ZNF782: variants seen among roughly 807,000 people sequenced by gnomAD.
ZNF782 encodes the protein zinc finger protein 782.
In ZNF782, 12 loss-of-function variants were observed where a neutral mutation model predicts 13.0. That is an observed-to-expected ratio of 0.92 (90% CI 0.59 to 1.50). ZNF782 has a LOEUF of 1.50. ZNF782 is among the 40% of genes most tolerant of loss of function. The pLI, the probability that ZNF782 is intolerant of heterozygous loss-of-function variation, is 0.00. For synonymous variants in ZNF782, 284 were observed against 283.0 expected, an observed-to-expected ratio of 1.00 and a Z score of -0.04; for missense variants, 770 against 822.9, an observed-to-expected ratio of 0.94 and a Z score of 0.79.
At chr9:96,877,881 C>T (rs1203107413), upstream of ZNF782, among the ~76,000 whole-genome samples, 1 of 152,088 alleles carries the variant, frequency 6.6e-6, no homozygotes, top group African/African-American at 2.4e-5. Context: ...ACTCAAATAC[C>T]CTGCTTCTGT....
the ZNF782 span, chr9:96,931,715 T>C: frequency 6.2e-7 from 1 of 1,611,394 alleles, no homozygotes; most frequent in East Asian, 2.2e-5. Context: ...TTCCTTTGTC[T>C]CCACAGCATA....
At chr9:96,868,096 C>T (rs1851780711) in intron 1 of ZNF782, among the ~76,000 whole-genome samples, 1 of 152,190 alleles carries the variant, frequency 6.6e-6, no homozygotes, top group Admixed American at 6.5e-5. Flanking sequence ...TAGAGAGACT[C>T]TCTCAAAGAA....
the ZNF782 span, among the ~76,000 whole-genome samples, chr9:96,922,620 A>G: frequency 0.086 from 11,251 of 130,702 alleles, no homozygotes; most frequent in East Asian, 0.19. Flanking sequence ...AAAAAATCCA[A>G]AAAAATAGCC....
the ZNF782 span, among the ~76,000 whole-genome samples, chr9:96,924,968 G>A: frequency 1.3e-5 from 2 of 152,250 alleles, no homozygotes; most frequent in Non-Finnish European, 2.9e-5. Flanking sequence ...GGGTCGCCCC[G>A]CAGACACTGG....
the ZNF782 span, among the ~76,000 whole-genome samples, chr9:96,930,897 T>G: frequency 3.6e-5 from 3 of 83,916 alleles, no homozygotes; most frequent in Non-Finnish European, 4.6e-5. Context: ...TTTTTTTTTT[T>G]TTTTTTTTTT....
At position 96,848,750 on chromosome 9, in the gene ZNF782, GC is replaced by G. The variant is rs749432017; in HGVS notation, c.15+3196del. 1.8e-4 allele frequency among the ~76,000 whole-genome samples: 27 copies of G among 152,134 alleles called. 1 individual carries two copies. Among genetic ancestry groups the G allele is most frequent in the Non-Finnish European group, 4.4e-5 (3 of 68,014 alleles). ...TCAATATTGTGAAAATGACCATTCT[GC>G]CCAAAGCAATCTACAGGTTCAATGC... is the stretch of plus-strand genomic sequence containing the variant. On this transcript the variant is annotated intron_variant, in intron 3 of 5. Transcript: ENST00000481138.
the ZNF782 span, among the ~76,000 whole-genome samples, chr9:96,899,250 C>CA: frequency 1.3e-4 from 19 of 148,526 alleles, 1 homozygote; most frequent in Middle Eastern, 3.4e-3. Flanking sequence ...GACTCCATCT[C>CA]AAAAAAAAAA....
chr9:96,894,630 C>T, the ZNF782 span: 1 of 152,222 alleles, frequency 6.6e-6, no homozygotes, highest in East Asian at 1.9e-4. Flanking sequence ...TTGCATTGGT[C>T]CCTGTATCTA....
chr9:96,890,828 T>C, the ZNF782 span: 1 of 152,222 alleles, frequency 6.6e-6, no homozygotes. Context: ...GATATTTGTA[T>C]ACCAGTGTTC....
At chr9:96,923,231 G>A in the ZNF782 span, among the ~76,000 whole-genome samples, 21 of 150,516 alleles carry the variant, frequency 1.4e-4, no homozygotes, top group Admixed American at 7.9e-4. Flanking sequence ...GTATACCTGC[G>A]ATTAGCTAAC....
the ZNF782 span, among the ~76,000 whole-genome samples, chr9:96,921,850 C>T: frequency 6.6e-5 from 10 of 151,404 alleles, no homozygotes; most frequent in Non-Finnish European, 3.0e-5. Flanking sequence ...CCCACAACCA[C>T]GCCCAGCTAA....
the ZNF782 span, among the ~76,000 whole-genome samples, chr9:96,896,504 C>A: frequency 1.3e-5 from 2 of 152,166 alleles, no homozygotes; most frequent in Non-Finnish European, 2.9e-5. Flanking sequence ...GGGCCTTTCA[C>A]TTCAGCGAAA....
the ZNF782 span, among the ~76,000 whole-genome samples, chr9:96,917,345 T>TA: frequency 5.3e-5 from 8 of 151,286 alleles, no homozygotes; most frequent in Non-Finnish European, 8.9e-5. Flanking sequence ...CAGGGATGTT[T>TA]AGCAAGGCTA....
intron 3 of ZNF782, among the ~76,000 whole-genome samples, chr9:96,846,228 C>T (rs1851336415): frequency 6.6e-6 from 1 of 152,046 alleles, no homozygotes; most frequent in Non-Finnish European, 1.5e-5. Context: ...TTGATATGCA[C>T]CAAAACAGAA....
At chr9:96,892,266 G>C in the ZNF782 span, 2 of 152,098 alleles carry the variant, frequency 1.3e-5, no homozygotes, top group African/African-American at 2.4e-5. Context: ...CCCAAAGGTG[G>C]GAACAACCGA....
upstream of ZNF782, among the ~76,000 whole-genome samples, chr9:96,877,028 C>T (rs117107299): frequency 6.7e-6 from 1 of 148,388 alleles, no homozygotes; most frequent in Non-Finnish European, 1.5e-5. Context: ...AATCATGGAT[C>T]TCCCAGAGAT....
At chr9:96,912,157 G>A in the ZNF782 span, among the ~76,000 whole-genome samples, 9 of 134,462 alleles carry the variant, frequency 6.7e-5, no homozygotes, top group Non-Finnish European at 9.2e-5. Context: ...GCCAGGATCC[G>A]CCATCGCACT....
At position 96,816,425 on chromosome 9, in the gene ZNF782, A is replaced by C. The variant is rs978668764; in HGVS notation, c.*1498T>G. 6.6e-6 allele frequency: 1 copy of C among 152,222 alleles called. No individual in the cohort carries two copies. The highest frequency in any genetic ancestry group is 2.4e-5 in the African/African-American group (1 of 41,460). The allele number at this position is 152,222 out of a possible 1,614,324, so 9.4% of individuals were successfully genotyped here. On this transcript the variant is annotated 3_prime_UTR_variant, in exon 6 of 6. Coordinates refer to ENST00000481138, the MANE Select transcript of ZNF782 (RefSeq NM_001001662.3). ...GTAAGTACCATGCATATATACATAC[A>C]TAAACAATCAATAACTCACAAAACA...
At chr9:96,862,868 C>G (rs951715992) in intron 1 of ZNF782, among the ~76,000 whole-genome samples, 2 of 152,152 alleles carry the variant, frequency 1.3e-5, no homozygotes, top group African/African-American at 4.8e-5. Context: ...CTAAATTGTT[C>G]TCAAAACCTG....
Sources: gnomAD v4.1 joint callset for allele counts (sites outside exome capture counted in the v4.1 genomes callset) on GRCh38, gnomAD v4.1.1 for gene constraint, MANE v1.5 for transcripts, NCBI Gene and HGNC (gene_info 2026-07-23, HGNC 2026-07-21) for gene names.